Variants in PTGFRN observed in about 807,000 individuals in gnomAD.
PTGFRN encodes the protein prostaglandin F2 receptor inhibitor.
In PTGFRN, 35 loss-of-function variants were observed where a neutral mutation model predicts 83.2. The ratio of observed to expected loss-of-function variants is 0.42; its 90% confidence interval spans 0.32 to 0.56. PTGFRN has a LOEUF of 0.56. Ranked by LOEUF, PTGFRN falls within the 20% of genes least tolerant of loss-of-function variation. The pLI is 0.11. For synonymous variants in PTGFRN, 519 were observed against 498.6 expected (o/e 1.04, Z -0.55); for missense variants, 1,051 against 1,179.5 (o/e 0.89, Z 1.60).
At chr1:116,922,251 A>G (rs1014684286) in intron 1 of PTGFRN, among the ~76,000 whole-genome samples, 1 of 152,218 alleles carries the variant, frequency 6.6e-6, no homozygotes. Context: ...TGTTTCTTAT[A>G]AGAAAAACAA....
intron 7 of PTGFRN, among the ~76,000 whole-genome samples, chr1:116,976,202 T>C (rs1651151429): frequency 6.6e-6 from 1 of 152,166 alleles, no homozygotes; most frequent in South Asian, 2.1e-4. Context: ...GAACAAAGCC[T>C]CCAAGAAATA....
At chr1:116,917,982 TTGATTGG>T (rs1337759212) in intron 1 of PTGFRN, among the ~76,000 whole-genome samples, 1 of 152,186 alleles carries the variant, frequency 6.6e-6, no homozygotes, top group Non-Finnish European at 1.5e-5. Flanking sequence ...TTCTTCTGTG[TTGATTGG>T]TGGAATTAAC....
chr1:116,917,945 A>G (rs995668927), intron 1 of PTGFRN, among the ~76,000 whole-genome samples: 2 of 152,136 alleles, frequency 1.3e-5, no homozygotes, highest in African/African-American at 4.8e-5. Flanking sequence ...ACACATATAA[A>G]GTTTCCTCTG....
chr1:116,984,832 C>G lies in PTGFRN; in HGVS notation c.2320C>G (p.Leu774Val), dbSNP rs1374746590. The change falls in exon 8 of 9, where the codon CTG becomes GTG. Residue 774 changes from leucine (L) to valine (V), a missense_variant. Around this residue, in one of 3 missense-constraint regions of PTGFRN, gnomAD observed 719 missense variants for 836.6 expected, o/e 0.86. Coordinates refer to ENST00000393203, the MANE Select transcript of PTGFRN (RefSeq NM_020440.4). Reference sequence around the variant, plus strand: ...CCTCAGCCTGGAGCGCGTGAGTGTGCTGGAATTCTTGCTGCAAGTGCATGG... The same window carrying G: ...CCTCAGCCTGGAGCGCGTGAGTGTGGTGGAATTCTTGCTGCAAGTGCATGG... Reference protein sequence around the residue: ...SDLSLERVSVLEFLLQVHGSE... With the variant: ...SDLSLERVSVVEFLLQVHGSE... 2 of 1,613,990 alleles carry G rather than the reference C, an allele frequency of 1.2e-6. No homozygotes were observed. The highest frequency in any genetic ancestry group is 1.7e-6 in the Non-Finnish European group (2 of 1,180,050).
Position 116,988,807 on chromosome 1 carries a change from T to G in PTGFRN, c.*1840T>G, listed in dbSNP as rs1275126842. The G allele has an allele frequency of 2.0e-5, 3 of 152,598 alleles. No individual in the cohort carries two copies. The highest frequency in any genetic ancestry group is 2.0e-4 in the Admixed American group (3 of 15,274). The allele number at this position is 152,598 out of a possible 1,614,324, so 9.5% of individuals were successfully genotyped here. A position where few individuals can be genotyped will look rare whatever the true frequency, so the allele number is the denominator to read the frequency against. On this transcript the variant is annotated 3_prime_UTR_variant, in exon 9 of 9. Coordinates refer to ENST00000393203, the MANE Select transcript of PTGFRN (RefSeq NM_020440.4). ...ATTCTGCATTGACAGTAGCCTTTCCTTGGCCCGGGCCTGTGGTGGGAAGAC... is the reference window on the plus strand; with the variant it reads ...ATTCTGCATTGACAGTAGCCTTTCCGTGGCCCGGGCCTGTGGTGGGAAGAC...
At chr1:116,916,827 G>C (rs1161924719) in intron 1 of PTGFRN, among the ~76,000 whole-genome samples, 1 of 152,138 alleles carries the variant, frequency 6.6e-6, no homozygotes, top group Non-Finnish European at 1.5e-5. Context: ...GCCGGGCATT[G>C]TTCTGAGGAT....
intron 3 of PTGFRN, among the ~76,000 whole-genome samples, chr1:116,947,197 T>C (rs1468584969): frequency 6.6e-6 from 1 of 152,238 alleles, no homozygotes; most frequent in African/African-American, 2.4e-5. Flanking sequence ...TTATATATTC[T>C]TATCACATTG....
intron 1 of PTGFRN, among the ~76,000 whole-genome samples, chr1:116,917,070 AAG>A (rs1649422934): frequency 6.6e-6 from 1 of 152,104 alleles, no homozygotes; most frequent in South Asian, 2.1e-4. Context: ...GGACTTGTTA[AAG>A]AGGGATTGGT....
intron 3 of PTGFRN, among the ~76,000 whole-genome samples, chr1:116,947,612 A>G (rs1229312587): frequency 6.6e-6 from 1 of 152,214 alleles, no homozygotes; most frequent in Non-Finnish European, 1.5e-5. Flanking sequence ...CCATCCATAC[A>G]GTCCACAGCT....
At position 116,984,868 on chromosome 1, in the gene PTGFRN, C is replaced by G. The variant is rs778853881; in HGVS notation, c.2356C>G (p.Gln786Glu). The G allele has an allele frequency of 5.0e-5, 80 of 1,614,060 alleles. No individual in the cohort carries two copies. Among genetic ancestry groups the G allele is most frequent in the Admixed American group, 3.0e-4 (18 of 60,002 alleles). The change falls in exon 8 of 9, where the codon CAG (glutamine) becomes GAG (glutamate). Residue 786 changes from glutamine to glutamate, a missense_variant. By Grantham distance (29) the Gln-to-Glu change is conservative. Around this residue, in one of 3 missense-constraint regions of PTGFRN, gnomAD observed 719 missense variants for 836.6 expected, o/e 0.86. Coordinates refer to ENST00000393203, the MANE Select transcript of PTGFRN (RefSeq NM_020440.4). ...GCTGCAAGTGCATGGCTCCGAGGAC[C>G]AGGACTTTGGCAACTACTACTGTTC... ...FLLQVHGSED[Q>E]DFGNYYCSVT...
intron 7 of PTGFRN, among the ~76,000 whole-genome samples, chr1:116,975,252 G>C (rs1236935580): frequency 1.3e-5 from 2 of 152,234 alleles, no homozygotes; most frequent in Non-Finnish European, 2.9e-5. Flanking sequence ...GGAGCCCACT[G>C]CAGCTCAAGG....
intron 1 of PTGFRN, among the ~76,000 whole-genome samples, chr1:116,919,334 CT>C (rs1022060818): frequency 6.6e-6 from 1 of 152,146 alleles, no homozygotes; most frequent in African/African-American, 2.4e-5. Context: ...GGGTTCTTTC[CT>C]TCCCAATAAA....
intron 1 of PTGFRN, among the ~76,000 whole-genome samples, chr1:116,927,114 G>C (rs774487477): frequency 6.6e-6 from 1 of 152,156 alleles, no homozygotes; most frequent in Non-Finnish European, 1.5e-5. Context: ...AAGGACAAAC[G>C]GGTGTCTACT....
intron 6 of PTGFRN, among the ~76,000 whole-genome samples, chr1:116,970,927 A>G (rs917380532): frequency 3.9e-5 from 6 of 152,244 alleles, no homozygotes; most frequent in African/African-American, 1.2e-4. Flanking sequence ...TTACTGATTC[A>G]AAGTGTCAAG....
At chr1:116,946,333 T>C (rs1212422259) in intron 3 of PTGFRN, among the ~76,000 whole-genome samples, 2 of 152,196 alleles carry the variant, frequency 1.3e-5, no homozygotes, top group Admixed American at 6.5e-5. Flanking sequence ...CTTGAGTGAC[T>C]ATGGCCATTG....
intron 1 of PTGFRN, among the ~76,000 whole-genome samples, chr1:116,937,708 C>T (rs761711087): frequency 1.3e-5 from 2 of 152,082 alleles, no homozygotes; most frequent in Non-Finnish European, 2.9e-5. Context: ...TCCACCCTGG[C>T]CAGCTTCTTG....
At chr1:116,955,428 TA>T (rs1422358293) in intron 4 of PTGFRN, among the ~76,000 whole-genome samples, 12 of 152,198 alleles carry the variant, frequency 7.9e-5, no homozygotes, top group Admixed American at 2.0e-4. Flanking sequence ...TTGCTGATCT[TA>T]TTTTATCTCT....
chr1:116,952,181 TG>T lies in PTGFRN; in HGVS notation c.1213+2611del, dbSNP rs1650369968. Among the ~76,000 whole-genome samples, 1 of 152,232 alleles carries T rather than the reference TG, an allele frequency of 6.6e-6. No homozygotes were observed. Among genetic ancestry groups the T allele is most frequent in the South Asian group, 2.1e-4 (1 of 4,836 alleles). ...TAAATGTTCAATGTGAAAATATTTT[TG>T]GCCTTGGGACTCAGCTTCATTCCTG... is the stretch of plus-strand genomic sequence containing the variant. On this transcript the variant is annotated intron_variant, in intron 4 of 8. Transcript: ENST00000393203. This position sits in a 1 kb window ranked among gnomAD's most constrained non-coding sequence, Gnocchi z 4.0.
chr1:116,984,591 C>T (rs889509909), intron 7 of PTGFRN, 89 bp from the exon 8 acceptor site: 31 of 1,284,330 alleles, frequency 2.4e-5, no homozygotes, highest in Middle Eastern at 5.3e-4. Context: ...GCTTGCCATA[C>T]GTAGTAAGGG....
Sources: allele counts gnomAD v4.1 joint callset (sites outside exome capture counted in the v4.1 genomes callset), GRCh38; gene constraint gnomAD v4.1.1; regional missense constraint gnomAD v4.1.1; non-coding constraint Gnocchi (gnomAD v3.1); transcripts MANE v1.5; gene names NCBI Gene and HGNC (gene_info 2026-07-23, HGNC 2026-07-21).